Variants in UNC80 observed in about 807,000 individuals in gnomAD.
The protein encoded by UNC80 is protein unc-80 homolog.
In UNC80, 164 loss-of-function variants were observed where a neutral mutation model predicts 384.6. The ratio of observed to expected loss-of-function variants is 0.43; its 90% CI spans 0.38 to 0.49. The LOEUF is 0.49. UNC80 is among the 20% of genes least tolerant of loss of function. The pLI is 0.00. For missense variants in UNC80, 3,330 were observed against 4,143.0 expected, an observed-to-expected ratio of 0.80 and a Z score of 5.39; for synonymous variants, 1,486 against 1,527.8, an observed-to-expected ratio of 0.97 and a Z score of 0.64.
At chr2:209,955,889 A>G (rs2092396268) in intron 48 of UNC80, among the ~76,000 whole-genome samples, 1 of 151,174 alleles carries the variant, frequency 6.6e-6, no homozygotes, top group South Asian at 2.1e-4. Flanking sequence ...GATTATAGGC[A>G]TGCACCACCA....
intron 60 of UNC80, among the ~76,000 whole-genome samples, chr2:209,983,966 A>G (rs1025413584): frequency 2.6e-5 from 4 of 152,172 alleles, no homozygotes; most frequent in East Asian, 1.9e-4. Flanking sequence ...TTTATAGTGA[A>G]CTTTTAGGTG....
At chr2:209,850,453 T>C (rs1020697051) in intron 22 of UNC80, among the ~76,000 whole-genome samples, 5 of 152,062 alleles carry the variant, frequency 3.3e-5, no homozygotes, top group African/African-American at 9.7e-5. Context: ...TTTTTTCGGG[T>C]TTTATGACAC....
intron 6 of UNC80, among the ~76,000 whole-genome samples, chr2:209,792,287 G>A (rs1360364953): frequency 2.0e-5 from 3 of 152,220 alleles, no homozygotes; most frequent in South Asian, 2.1e-4. Flanking sequence ...CTGGGTAAGC[G>A]AGACCCTGTC....
At chr2:209,850,338 A>G (rs1224824130) in intron 22 of UNC80, among the ~76,000 whole-genome samples, 4 of 152,176 alleles carry the variant, frequency 2.6e-5, no homozygotes, top group African/African-American at 9.6e-5. Flanking sequence ...CAAAATACCA[A>G]GTAAACATCA....
chr2:209,834,211 T>A (rs1307777531), intron 17 of UNC80, 43 bp downstream of exon 17: 1 of 1,540,182 alleles, frequency 6.5e-7, no homozygotes, highest in African/African-American at 1.4e-5. Flanking sequence ...TTGCCTTAAG[T>A]CAGTAGAATA....
rs1234362994 is a variant in UNC80 at position 209,926,865 on chromosome 2, C to T, written c.5685C>T (p.His1895=). 1 of 1,552,106 alleles carries T rather than the reference C, an allele frequency of 6.4e-7. No individual in the cohort carries two copies. The highest frequency in any genetic ancestry group is 8.7e-7 in the Non-Finnish European group (1 of 1,147,074). Residue 1895 remains histidine (H), a synonymous_variant, in exon 36 of 65, where the codon CAC becomes CAT. Transcript: ENST00000673920. ...SAEDEEHTTE[H]TPNHHVPQPP... The stretch of plus-strand genomic sequence containing the variant: ...TAGATGAGGAACATACCACTGAACA[C>T]ACGCCGAACCACCATGTGCCTCAGC...
chr2:209,994,150 A>G lies in UNC80; in HGVS notation c.9594A>G (p.Gln3198=), dbSNP rs1430112878. 1 of 1,551,582 alleles carries G rather than the reference A, an allele frequency of 6.4e-7. No individual in the cohort carries two copies. The highest frequency in any genetic ancestry group is 2.4e-5 in the East Asian group (1 of 40,880). The change falls in exon 64 of 65, where the codon CAA becomes CAG. Residue 3198 remains glutamine (Q), a synonymous_variant. Coordinates refer to ENST00000673920, the MANE Select transcript of UNC80 (RefSeq NM_001371986.1). The part of the protein sequence containing the change: ...APTDALPATG[Q]LQGCSPAPSR... ...CAGATGCGCTTCCTGCAACAGGCCA[A>G]CTACAGGGCTGTAGCCCAGCCCCTT... is the stretch of plus-strand genomic sequence containing the variant.
chr2:209,929,351 C>T (rs1228958157), intron 36 of UNC80, among the ~76,000 whole-genome samples: 1 of 152,102 alleles, frequency 6.6e-6, no homozygotes, highest in Non-Finnish European at 1.5e-5. Flanking sequence ...ATTCTTAAGA[C>T]TTCTTCGTTA....
intron 61 of UNC80, among the ~76,000 whole-genome samples, chr2:209,985,670 G>A (rs1290093718): frequency 6.6e-6 from 1 of 152,196 alleles, no homozygotes; most frequent in Non-Finnish European, 1.5e-5. Context: ...TCCTAATCTT[G>A]TGCTGTTGAT....
chr2:209,867,305 G>A (rs1015498581), intron 22 of UNC80, among the ~76,000 whole-genome samples: 3 of 152,142 alleles, frequency 2.0e-5, no homozygotes, highest in African/African-American at 7.2e-5. Context: ...AAATATGAAG[G>A]TTTGAGAAGT....
intron 22 of UNC80, among the ~76,000 whole-genome samples, chr2:209,865,027 G>T (rs918626754): frequency 6.6e-6 from 1 of 152,188 alleles, no homozygotes; most frequent in Non-Finnish European, 1.5e-5. Flanking sequence ...CATGTTAAAA[G>T]CACGGCTTCT....
chr2:209,908,116 T>G (rs1405141569), intron 29 of UNC80, among the ~76,000 whole-genome samples: 1 of 152,258 alleles, frequency 6.6e-6, no homozygotes, highest in Non-Finnish European at 1.5e-5. Flanking sequence ...ACTTTTCATT[T>G]GCCTGTTGTG....
chr2:209,816,191 T>G (rs2079724113), intron 9 of UNC80, among the ~76,000 whole-genome samples: 2 of 152,332 alleles, frequency 1.3e-5, no homozygotes, highest in South Asian at 2.1e-4. Context: ...TATGATAATT[T>G]TTAAGGAGCT....
intron 12 of UNC80, among the ~76,000 whole-genome samples, 177 bp from the exon 13 acceptor site, chr2:209,820,134 G>T (rs2080034001): frequency 6.6e-6 from 1 of 152,152 alleles, no homozygotes; most frequent in Non-Finnish European, 1.5e-5. Flanking sequence ...GCTCTATTAA[G>T]TAAATACACA....
rs550993470 is a variant in UNC80, at chr2:209,813,832, C to G, written c.1191C>G (p.His397Gln). 1 of 1,551,328 alleles carries G rather than the reference C, an allele frequency of 6.4e-7. No individual in the cohort carries two copies. Among genetic ancestry groups the G allele is most frequent in the South Asian group, 1.2e-5 (1 of 83,934 alleles). The change falls in exon 8 of 65, where the codon CAC (histidine) becomes CAG (glutamine). Residue 397 changes from histidine to glutamine, a missense_variant. By Grantham distance (24) the His-to-Gln change is conservative (BLOSUM62 0). Transcript: ENST00000673920. ...VAAAPSLVNTHKTQDLTMKCN... is the reference protein window; with the variant it reads ...VAAAPSLVNTQKTQDLTMKCN... ...CAGCTCCCTCACTAGTGAACACCCACAAAACCCAAGTAAGAAAAACCCGGT... is the reference window on the plus strand; with the variant it reads ...CAGCTCCCTCACTAGTGAACACCCAGAAAACCCAAGTAAGAAAAACCCGGT...
Position 209,880,983 on chromosome 2 carries a change from C to T in UNC80, c.3999C>T (p.Cys1333=), listed in dbSNP as rs545998598. 2.8e-4 allele frequency: 433 copies of T among 1,552,020 alleles called. 2 individuals carry two copies. Among genetic ancestry groups the T allele is most frequent in the Non-Finnish European group, 3.0e-4 (345 of 1,147,050 alleles). ...LDDSTVNPSK[C]GCPFALKMAA... ...TAGGTACTGTGAACCCCTCTAAATG[C>T]GGTTGCCCCTTTGCCTTGAAGATGG... Residue 1333 remains cysteine (C), a synonymous_variant, in exon 25 of 65, where the codon TGC becomes TGT. Transcript: ENST00000673920.
chr2:209,997,734 CAGGGCCTTAT>C lies in UNC80; in HGVS notation c.*2142_*2151del, dbSNP rs765629103. ...GCAAAAAAGCCTCCACTCTGAGAAA[CAGGGCCTTAT>C]AGAGTAGGAATGTTTTCATACTGGG... On this transcript the variant is annotated 3_prime_UTR_variant, in exon 65 of 65. Coordinates refer to ENST00000673920, the MANE Select transcript of UNC80 (RefSeq NM_001371986.1). 15 of 152,068 alleles carry C rather than the reference CAGGGCCTTAT, an allele frequency of 9.9e-5. No homozygotes were observed. Among genetic ancestry groups the C allele is most frequent in the Non-Finnish European group, 1.9e-4 (13 of 67,984 alleles). 9.4% of individuals were successfully genotyped at this position (152,068 alleles called of 1,614,324 possible). A position where few individuals can be genotyped will look rare whatever the true frequency, so the allele number is the denominator to read the frequency against.
Position 209,931,055 on chromosome 2 carries a change from G to T in UNC80, c.5994+1G>T. 6.5e-7 allele frequency: 1 copy of T among 1,544,586 alleles called. No homozygotes were observed. Among genetic ancestry groups the T allele is most frequent in the Non-Finnish European group, 8.8e-7 (1 of 1,141,958 alleles). On this transcript the variant is annotated splice_donor_variant, in intron 38 of 64. Coordinates refer to ENST00000673920, the MANE Select transcript of UNC80 (RefSeq NM_001371986.1). LOFTEE classifies it high-confidence loss of function. ...ATCTCACATCCTATTCAACTATTTG[G>T]TGAGTTATAAATGTTCATTTCCAAT...
intron 58 of UNC80, among the ~76,000 whole-genome samples, chr2:209,977,814 T>C (rs1402834304): frequency 6.6e-6 from 1 of 152,166 alleles, no homozygotes; most frequent in Non-Finnish European, 1.5e-5. Context: ...GGAAGGAAAA[T>C]AAATCATTAT....
Sources: allele counts gnomAD v4.1 joint callset (sites outside exome capture counted in the v4.1 genomes callset), GRCh38; gene constraint gnomAD v4.1.1; transcripts MANE v1.5; gene names NCBI Gene and HGNC (gene_info 2026-07-23, HGNC 2026-07-21).